The following TMTC2 variants were observed in gnomAD, a reference collection of about 807,000 sequenced individuals.
TMTC2 encodes transmembrane O-mannosyltransferase targeting cadherins 2, also known as protein O-mannosyl-transferase TMTC2.
TMTC2 carries 43 observed loss-of-function variants against 82.4 expected under a neutral mutation model. That is an observed-to-expected ratio of 0.52 (90% CI 0.41 to 0.67). The LOEUF (loss-of-function observed/expected upper bound fraction) is 0.67. Ranked by LOEUF, TMTC2 falls within the 30% of genes least tolerant of loss-of-function variation. TMTC2 has a pLI of 0.00. For synonymous variants in TMTC2, 408 were observed against 381.9 expected (o/e 1.07, Z -0.80); for missense variants, 919 against 1,012.4 (o/e 0.91, Z 1.25).
chr12:82,896,299 A>C lies in TMTC2; in HGVS notation c.1136A>C (p.Asn379Thr), dbSNP rs750317133. 1 of 1,614,124 alleles carries C rather than the reference A, an allele frequency of 6.2e-7. No homozygotes were observed. The highest frequency in any genetic ancestry group is 8.5e-7 in the Non-Finnish European group (1 of 1,180,032). Residue 379 changes from asparagine (N) to threonine (T), a missense_variant, in exon 3 of 12, where the codon AAC (asparagine) becomes ACC (threonine). By Grantham distance (65) the Asn-to-Thr change is moderately conservative (BLOSUM62 0). Transcript: ENST00000321196. ...TCCAAAGTAGAAAATGGCATTAAAAACGATGTATCACAGAGAACCCAGCTT... is the reference window on the plus strand; with the variant it reads ...TCCAAAGTAGAAAATGGCATTAAAACCGATGTATCACAGAGAACCCAGCTT... ...FASKVENGIKNDVSQRTQLPS... is the reference protein window; with the variant it reads ...FASKVENGIKTDVSQRTQLPS...
chr12:82,761,890 CTCTT>C (rs897023160), intron 1 of TMTC2, among the ~76,000 whole-genome samples: 2 of 151,248 alleles, frequency 1.3e-5, no homozygotes, highest in African/African-American at 4.9e-5. Context: ...TTCTTTCTCT[CTCTT>C]TCTTTCTTTC....
intron 1 of TMTC2, among the ~76,000 whole-genome samples, chr12:82,828,903 A>G (rs1869593558): frequency 6.6e-6 from 1 of 152,238 alleles, no homozygotes; most frequent in Non-Finnish European, 1.5e-5. Flanking sequence ...AAATACAAGC[A>G]GAAGTGTTAT....
chr12:82,695,954 G>C (rs368116504), intron 1 of TMTC2, among the ~76,000 whole-genome samples: 1 of 152,130 alleles, frequency 6.6e-6, no homozygotes, highest in South Asian at 2.1e-4. Flanking sequence ...TAAGAAACTA[G>C]GCCTGTTGCC....
At chr12:82,906,845 A>C (rs2137201314) in intron 3 of TMTC2, among the ~76,000 whole-genome samples, 1 of 152,330 alleles carries the variant, frequency 6.6e-6, no homozygotes, top group South Asian at 2.1e-4. Flanking sequence ...AAGAGAAACT[A>C]GCTAAAAGCA....
At chr12:82,926,834 A>G (rs1044957618) in intron 3 of TMTC2, among the ~76,000 whole-genome samples, 1 of 152,232 alleles carries the variant, frequency 6.6e-6, no homozygotes, top group African/African-American at 2.4e-5. Flanking sequence ...GATTTCCGAG[A>G]TGACAACACA....
At chr12:82,924,232 A>G (rs999522424) in intron 3 of TMTC2, among the ~76,000 whole-genome samples, 3 of 152,158 alleles carry the variant, frequency 2.0e-5, no homozygotes, top group African/African-American at 7.2e-5. Context: ...TATATGACCT[A>G]TTATAGGATT....
chr12:82,895,001 G>T (rs767890811), intron 2 of TMTC2, among the ~76,000 whole-genome samples: 2 of 149,652 alleles, frequency 1.3e-5, no homozygotes, highest in East Asian at 3.9e-4. Context: ...TAGAGATGGG[G>T]AGATGGGGTT....
chr12:82,985,872 A>G, intron 7 of TMTC2, 53 bp from the exon 8 acceptor site: 1 of 1,584,996 alleles, frequency 6.3e-7, no homozygotes, highest in Non-Finnish European at 8.6e-7. Context: ...GTTGCAAATA[A>G]TGTGGAAAAG....
intron 8 of TMTC2, among the ~76,000 whole-genome samples, chr12:83,011,678 T>C (rs1183247526): frequency 6.6e-6 from 1 of 152,186 alleles, no homozygotes; most frequent in Admixed American, 6.5e-5. Context: ...GTCTATAATA[T>C]CTTTTTCTTG....
chr12:82,981,575 C>T (rs560166489), intron 7 of TMTC2, among the ~76,000 whole-genome samples: 1 of 151,802 alleles, frequency 6.6e-6, no homozygotes, highest in Non-Finnish European at 1.5e-5. Flanking sequence ...ATGAAAGTAC[C>T]TTTATTATGT....
At chr12:82,893,009 C>A (rs543181465) in intron 2 of TMTC2, among the ~76,000 whole-genome samples, 2 of 152,080 alleles carry the variant, frequency 1.3e-5, no homozygotes, top group African/African-American at 4.8e-5. Flanking sequence ...TTCAGAGGAA[C>A]AATGGAATGG....
At chr12:83,072,426 T>C (rs1179903323) in intron 11 of TMTC2, among the ~76,000 whole-genome samples, 2 of 152,192 alleles carry the variant, frequency 1.3e-5, no homozygotes, top group Non-Finnish European at 2.9e-5. Context: ...GCCTATCATA[T>C]GGTCTGTTTT....
At chr12:83,084,057 A>G (rs1883565294) in intron 11 of TMTC2, among the ~76,000 whole-genome samples, 1 of 152,186 alleles carries the variant, frequency 6.6e-6, no homozygotes, top group Non-Finnish European at 1.5e-5. Flanking sequence ...TGTGAGTATG[A>G]GGAGATGGTG....
At chr12:83,119,397 T>C (rs1294007495) in intron 11 of TMTC2, among the ~76,000 whole-genome samples, 2 of 152,266 alleles carry the variant, frequency 1.3e-5, no homozygotes, top group Non-Finnish European at 2.9e-5. Context: ...ATTTCATTTT[T>C]AACTCAATCA....
rs531131759 is a variant in TMTC2 at position 82,856,435 on chromosome 12, C to G, written c.84-575C>G. ...ACTCAACATGTGGTCCAAGGACCATCAACATCAGCATCACCTGAGAGCTAC... is the reference window on the plus strand; with the variant it reads ...ACTCAACATGTGGTCCAAGGACCATGAACATCAGCATCACCTGAGAGCTAC... On this transcript the variant is annotated intron_variant, in intron 1 of 11. Coordinates refer to ENST00000321196, the MANE Select transcript of TMTC2 (RefSeq NM_152588.3). 3.9e-5 allele frequency among the ~76,000 whole-genome samples: 6 copies of G among 152,292 alleles called. No homozygotes were observed. The South Asian group carries it at 1.2e-3, about 32-fold the overall frequency.
intron 1 of TMTC2, among the ~76,000 whole-genome samples, chr12:82,837,183 A>G (rs1049703735): frequency 9.8e-5 from 15 of 152,336 alleles, no homozygotes; most frequent in African/African-American, 3.6e-4. Flanking sequence ...TGTTCTTAAC[A>G]TGAATTATAC....
At chr12:82,937,995 AC>A in intron 4 of TMTC2, among the ~76,000 whole-genome samples, 1 of 148,144 alleles carries the variant, frequency 6.8e-6, no homozygotes, top group South Asian at 2.2e-4. Flanking sequence ...GCTCACTGCA[AC>A]CTCCACATCC....
chr12:82,810,759 C>G (rs1879460848), intron 1 of TMTC2, among the ~76,000 whole-genome samples: 1 of 152,080 alleles, frequency 6.6e-6, no homozygotes. Flanking sequence ...TTCCCTCATG[C>G]TGTTCTCATG....
chr12:83,014,771 C>T (rs1880602782), intron 8 of TMTC2, among the ~76,000 whole-genome samples: 1 of 151,866 alleles, frequency 6.6e-6, no homozygotes, highest in African/African-American at 2.4e-5. Context: ...TTGTACTGCA[C>T]TTCTTAAATA....
Sources: allele counts gnomAD v4.1 joint callset (sites outside exome capture counted in the v4.1 genomes callset), GRCh38; gene constraint gnomAD v4.1.1; transcripts MANE v1.5; gene names NCBI Gene and HGNC (gene_info 2026-07-23, HGNC 2026-07-21).